The following PHACTR3 variants were observed in gnomAD, a reference collection of about 807,000 sequenced individuals.
PHACTR3 encodes protein phosphatase 1, regulatory subunit 123.
A neutral mutation model predicts 66.8 loss-of-function variants in PHACTR3; 16 were observed. The ratio of observed to expected loss-of-function variants is 0.24; its 90% CI spans 0.16 to 0.36. The LOEUF is 0.36. PHACTR3 is among the 10% of genes least tolerant of loss of function. The pLI is 1.00. For missense variants in PHACTR3, 647 were observed against 719.9 expected (o/e 0.90, Z 1.16); for synonymous variants, 323 against 292.1 (o/e 1.11, Z -1.08).
intron 1 of PHACTR3, among the ~76,000 whole-genome samples, chr20:59,714,166 C>T (rs1029434097): frequency 3.3e-5 from 5 of 152,136 alleles, no homozygotes; most frequent in Admixed American, 2.0e-4. Context: ...ATGTGCTTTG[C>T]CTTTACATTC....
At chr20:59,682,544 A>G (rs146316602) in intron 1 of PHACTR3, among the ~76,000 whole-genome samples, 1 of 152,306 alleles carries the variant, frequency 6.6e-6, no homozygotes, top group African/African-American at 2.4e-5. Flanking sequence ...CATGTTAGTA[A>G]TAAGTGTTGT....
chr20:59,740,219 A>T (rs769837526), intron 1 of PHACTR3, among the ~76,000 whole-genome samples: 5 of 152,198 alleles, frequency 3.3e-5, no homozygotes, highest in Non-Finnish European at 5.9e-5. Context: ...GTCTAGACAT[A>T]TAGATAATAT....
intron 1 of PHACTR3, among the ~76,000 whole-genome samples, chr20:59,729,651 G>A (rs1412506078): frequency 6.6e-6 from 1 of 152,142 alleles, no homozygotes; most frequent in Non-Finnish European, 1.5e-5. Context: ...GGGTCCCAGA[G>A]GGACTGGCTC....
chr20:59,772,215 A>T (rs964268358), intron 5 of PHACTR3, among the ~76,000 whole-genome samples: 1 of 152,224 alleles, frequency 6.6e-6, no homozygotes, highest in Non-Finnish European at 1.5e-5. Context: ...GCTGGCCCGG[A>T]GCACATGCAG....
intron 1 of PHACTR3, among the ~76,000 whole-genome samples, chr20:59,662,716 G>T (rs1021687369): frequency 2.0e-5 from 3 of 152,134 alleles, no homozygotes; most frequent in Non-Finnish European, 4.4e-5. Context: ...GGGGGTACAG[G>T]GCACGGTGGC....
At chr20:59,595,762 G>A (rs7273296) in intron 1 of PHACTR3, among the ~76,000 whole-genome samples, 1,548 of 152,228 alleles carry the variant, frequency 0.01, 24 homozygotes, top group African/African-American at 0.035. Flanking sequence ...GTATTTTGAC[G>A]TCTGTCATTA....
At chr20:59,776,847 C>T (rs2040556947) in intron 7 of PHACTR3, among the ~76,000 whole-genome samples, 1 of 151,366 alleles carries the variant, frequency 6.6e-6, no homozygotes, top group Non-Finnish European at 1.5e-5. Flanking sequence ...ACCTCTGTCC[C>T]TCCCGCCCAG....
At chr20:59,740,478 T>G (rs967483252) in intron 1 of PHACTR3, among the ~76,000 whole-genome samples, 1 of 151,324 alleles carries the variant, frequency 6.6e-6, no homozygotes, top group African/African-American at 2.4e-5. Context: ...AAAAATTTTT[T>G]TGTAGAGGTG....
chr20:59,723,467 G>A (rs1248052039), intron 1 of PHACTR3, among the ~76,000 whole-genome samples: 1 of 152,122 alleles, frequency 6.6e-6, no homozygotes, highest in East Asian at 1.9e-4. Flanking sequence ...AGTATTCCAT[G>A]ATACATAGAC....
chr20:59,649,025 G>A (rs886271576), intron 1 of PHACTR3, among the ~76,000 whole-genome samples: 13 of 152,312 alleles, frequency 8.5e-5, no homozygotes, highest in East Asian at 3.9e-4. Context: ...CTAGATCAGC[G>A]TTGTTGATGG....
At chr20:59,808,933 T>A (rs2041653003) in intron 8 of PHACTR3, among the ~76,000 whole-genome samples, 1 of 152,000 alleles carries the variant, frequency 6.6e-6, no homozygotes, top group African/African-American at 2.4e-5. Context: ...TAGATACTAG[T>A]AGTACACCCT....
intron 7 of PHACTR3, among the ~76,000 whole-genome samples, chr20:59,777,735 G>A (rs6027094): frequency 6.6e-6 from 1 of 151,996 alleles, no homozygotes; most frequent in Non-Finnish European, 1.5e-5. Flanking sequence ...GATCATGCTG[G>A]TATCTGTCTG....
rs2058966146 is a variant in PHACTR3, at chr20:59,836,390, A to G, written c.1329-115A>G. Reference sequence around the variant, plus strand: ...CAAAGGTTCACTTTCTCTCCTTCCAATTTTGGGAGGCGATCTATAGGGGTT... The same window carrying G: ...CAAAGGTTCACTTTCTCTCCTTCCAGTTTTGGGAGGCGATCTATAGGGGTT... On this transcript the variant is annotated intron_variant, in intron 8 of 12. Transcript: ENST00000371015. 4 of 918,394 alleles carry G rather than the reference A, an allele frequency of 4.4e-6. No individual in the cohort carries two copies. The East Asian group carries it at 8.9e-5, about 21-fold the overall frequency. The allele number at this position is 918,394 out of a possible 1,614,324, so 56.9% of individuals were successfully genotyped here.
rs146500480 is a variant in PHACTR3, at chr20:59,584,590, C to T, written c.109+6973C>T. Among the ~76,000 whole-genome samples, 12 of 152,232 alleles carry T rather than the reference C, an allele frequency of 7.9e-5. No homozygotes were observed. In the East Asian group the frequency reaches 1.4e-3, roughly 17 times the overall value. On this transcript the variant is annotated intron_variant, in intron 1 of 12. Coordinates refer to the PHACTR3 transcript ENST00000359926. ...GTATGTGTGCATGTATATATGGATG[C>T]GATCTCCCTCAACCTAGTGTGCCAG...
At chr20:59,737,514 ATG>A (rs2146743186) in intron 1 of PHACTR3, among the ~76,000 whole-genome samples, 1 of 130,924 alleles carries the variant, frequency 7.6e-6, no homozygotes, top group Admixed American at 7.7e-5. Context: ...GTGTGCGTGC[ATG>A]TGTGCGTGTA....
At chr20:59,766,947 G>A (rs117724195) in intron 4 of PHACTR3, among the ~76,000 whole-genome samples, 3,397 of 152,148 alleles carry the variant, frequency 0.022, 56 homozygotes, top group Non-Finnish European at 0.035. Context: ...CCTCTCATGT[G>A]GAAAAAAGAA....
chr20:59,685,771 C>A (rs966623973), intron 1 of PHACTR3, among the ~76,000 whole-genome samples: 5 of 152,216 alleles, frequency 3.3e-5, no homozygotes, highest in Non-Finnish European at 5.9e-5. Context: ...GCAGCCCTCT[C>A]TGACCATCCT....
At chr20:59,841,373 C>G in intron 10 of PHACTR3, 22 bp from the exon 11 acceptor site, 1 of 1,600,298 alleles carries the variant, frequency 6.2e-7, no homozygotes, top group South Asian at 1.1e-5. Flanking sequence ...TGATACTTAA[C>G]TATGATGATC....
intron 1 of PHACTR3, among the ~76,000 whole-genome samples, chr20:59,610,645 G>A (rs886290899): frequency 6.6e-6 from 1 of 152,242 alleles, no homozygotes; most frequent in African/African-American, 2.4e-5. Context: ...TGCAGCTGTG[G>A]CTGCCATACT....
Sources: gnomAD v4.1 joint callset for allele counts (sites outside exome capture counted in the v4.1 genomes callset) on GRCh38, gnomAD v4.1.1 for gene constraint, MANE v1.5 for transcripts, NCBI Gene and HGNC (gene_info 2026-07-23, HGNC 2026-07-21) for gene names.